The following KCNH4 variants were observed in gnomAD, a reference collection of about 807,000 sequenced individuals.
The protein encoded by KCNH4 is potassium voltage-gated channel subfamily H member 4, also known as voltage-gated delayed rectifier potassium channel KCNH4.
KCNH4 carries 33 observed loss-of-function variants against 90.7 expected under a neutral mutation model. The ratio of observed to expected loss-of-function variants is 0.36; its 90% CI spans 0.28 to 0.49. KCNH4 has a LOEUF of 0.49. Ranked by LOEUF, KCNH4 falls within the 20% of genes least tolerant of loss-of-function variation. KCNH4 has a pLI of 0.98. For missense variants in KCNH4, 1,044 were observed against 1,387.1 expected (o/e 0.75, Z 3.93); for synonymous variants, 551 against 581.7 (o/e 0.95, Z 0.76).
At chr17:42,171,539 G>C (rs191291914) in intron 7 of KCNH4, among the ~76,000 whole-genome samples, 17 of 152,026 alleles carry the variant, frequency 1.1e-4, no homozygotes, top group Middle Eastern at 3.2e-3. Context: ...TGTTTCCTGC[G>C]TTGTACTTTG....
At chr17:42,160,913 T>C (rs1429001273) in intron 15 of KCNH4, among the ~76,000 whole-genome samples, 1 of 142,652 alleles carries the variant, frequency 7.0e-6, no homozygotes, top group Non-Finnish European at 1.5e-5. Flanking sequence ...AGTTCTTTTT[T>C]CTTTTTCTTT....
chr17:42,163,682 A>C lies in KCNH4; in HGVS notation c.2401T>G (p.Cys801Gly), dbSNP rs1598268570. 6.6e-7 allele frequency: 1 copy of C among 1,505,924 alleles called. No homozygotes were observed. Among genetic ancestry groups the C allele is most frequent in the Non-Finnish European group, 8.9e-7 (1 of 1,127,688 alleles). 93.3% of individuals were successfully genotyped at this position (1,505,924 alleles called of 1,614,324 possible). ...TGAGGGGGCTTCCAGGCAGCAGAGC[A>C]CCTGGGGGGGCCGTGAGGGGAGGCA... is the stretch of plus-strand genomic sequence containing the variant. ...HSASPHGPPR[C>G]SAAWKPPQLL... The change falls in exon 13 of 17, where the codon TGC (cysteine) becomes GGC (glycine). Residue 801 changes from cysteine to glycine, a missense_variant. Coordinates refer to ENST00000264661, the MANE Select transcript of KCNH4 (RefSeq NM_012285.3). This position sits in a 1 kb window ranked among gnomAD's most constrained non-coding sequence, Gnocchi z 5.4.
chr17:42,161,093 AT>A lies in KCNH4; in HGVS notation c.2659-659del, dbSNP rs1166621920. On this transcript the variant is annotated intron_variant, in intron 15 of 16. Transcript: ENST00000264661. ...AGGTGTGTGCCACCACGCCCGGCTA[AT>A]TTTTTTCGTATTCTTAGTAGAGACA... is the stretch of plus-strand genomic sequence containing the variant. Among the ~76,000 whole-genome samples the A allele has an allele frequency of 2.6e-5, 4 of 151,558 alleles. No homozygotes were observed. The East Asian group carries it at 5.8e-4, about 22-fold the overall frequency.
intron 6 of KCNH4, among the ~76,000 whole-genome samples, chr17:42,173,693 CTTTT>C (rs532100884): frequency 7.5e-5 from 5 of 66,266 alleles, no homozygotes; most frequent in African/African-American, 3.3e-4. Context: ...CGATCTGGTT[CTTTT>C]TTTTTTTTTT....
At chr17:42,172,264 G>A (rs563148897) in intron 6 of KCNH4, among the ~76,000 whole-genome samples, 35 of 150,342 alleles carry the variant, frequency 2.3e-4, no homozygotes, top group African/African-American at 8.6e-4. Context: ...GTGCAGTGGC[G>A]AGATCTCAGC....
At position 42,180,983 on chromosome 17, in the gene KCNH4, G is replaced by T. The variant is rs1347267076; in HGVS notation, c.-38C>A. The T allele has an allele frequency of 6.3e-7, 1 of 1,587,460 alleles. No homozygotes were observed. The highest frequency in any genetic ancestry group is 2.3e-5 in the East Asian group (1 of 43,192). ...TGGGTTCAAGGCGCGGCGCTGGGGA[G>T]CTTTCAGCGCGGCCGGGCCGGAGGG... On this transcript the variant is annotated 5_prime_UTR_variant, in exon 1 of 17. Coordinates refer to ENST00000264661, the MANE Select transcript of KCNH4 (RefSeq NM_012285.3). The surrounding 1 kb of genome is among the most constrained non-coding windows in gnomAD (Gnocchi z 4.7).
rs565201290 is a variant in KCNH4 at position 42,162,223 on chromosome 17, C to T, written c.2658+25G>A. 58 of 1,608,602 alleles carry T rather than the reference C, an allele frequency of 3.6e-5. 1 individual carries two copies. The highest frequency in any genetic ancestry group is 2.5e-4 in the African/African-American group (19 of 74,866). Reference sequence around the variant, plus strand: ...GTCTGAAATGCTGTTATATCAGGCACGTCTCTGAGCCAGCCCCAACCCACC... The same window carrying T: ...GTCTGAAATGCTGTTATATCAGGCATGTCTCTGAGCCAGCCCCAACCCACC... On this transcript the variant is annotated intron_variant, in intron 15 of 16. Transcript: ENST00000264661.
Position 42,176,247 on chromosome 17 carries a change from C to G in KCNH4, c.636G>C (p.Val212=). The G allele has an allele frequency of 1.2e-6, 2 of 1,613,750 alleles. No homozygotes were observed. The highest frequency in any genetic ancestry group is 2.2e-5 in the East Asian group (1 of 44,856). Residue 212 remains valine, a synonymous_variant, in exon 5 of 17, where the codon GTG becomes GTC. Transcript: ENST00000264661. ...PSVPEYKVAS[V]GGSRCLLLHY... is the part of the protein sequence containing the mutation. ...GGAGGAGGAGGCAGCGAGACCCCCC[C>G]ACGGAGGCCACCTTGTACTCGGGCA... is the stretch of plus-strand genomic sequence containing the variant.
intron 6 of KCNH4, 66 bp downstream of exon 6, chr17:42,175,513 C>A: frequency 6.3e-7 from 1 of 1,586,212 alleles, no homozygotes; most frequent in Non-Finnish European, 8.7e-7. Context: ...GGGGTCAGTC[C>A]CTTCCTGGAA....
intron 16 of KCNH4, among the ~76,000 whole-genome samples, chr17:42,158,922 G>A (rs767953663): frequency 1.3e-5 from 2 of 151,916 alleles, no homozygotes; most frequent in Non-Finnish European, 2.9e-5. Flanking sequence ...GGACTCAAGC[G>A]ATCCTCCCAC....
chr17:42,162,110 A>C, intron 15 of KCNH4, 138 bp downstream of exon 15: 2 of 657,458 alleles, frequency 3.0e-6, no homozygotes, highest in East Asian at 3.0e-5. Flanking sequence ...GTGCCTGGCT[A>C]ATTTTTGTAT....
intron 11 of KCNH4, among the ~76,000 whole-genome samples, chr17:42,165,216 A>G (rs1235161500): frequency 1.3e-5 from 2 of 151,652 alleles, no homozygotes; most frequent in African/African-American, 4.8e-5. Context: ...GAGATGGGGC[A>G]GTAGAGTTGG....
At chr17:42,179,418 G>C (rs1351261685) in intron 1 of KCNH4, among the ~76,000 whole-genome samples, 2 of 152,212 alleles carry the variant, frequency 1.3e-5, no homozygotes, top group Admixed American at 1.3e-4. Flanking sequence ...GACCTCTTCT[G>C]TGCCTAAGCT....
chr17:42,173,555 C>A (rs919573297), intron 6 of KCNH4, among the ~76,000 whole-genome samples: 1 of 152,108 alleles, frequency 6.6e-6, no homozygotes, highest in Admixed American at 6.6e-5. Flanking sequence ...TGCTCATCTT[C>A]TGTCTCTGCT....
chr17:42,170,430 G>A (rs746776824), intron 7 of KCNH4, 129 bp from the exon 8 acceptor site: 76 of 755,788 alleles, frequency 1.0e-4, no homozygotes, highest in Non-Finnish European at 1.3e-4. Context: ...GTGGGGAGTG[G>A]CCTGGGCCTG....
In KCNH4 at chr17:42,164,118, A is replaced by G; in HGVS notation, c.2124+12T>C. 6.5e-7 allele frequency: 1 copy of G among 1,550,244 alleles called. No individual in the cohort carries two copies. The highest frequency in any genetic ancestry group is 8.7e-7 in the Non-Finnish European group (1 of 1,146,034). On this transcript the variant is annotated intron_variant, in intron 12 of 16. Transcript: ENST00000264661. ...CAGGGCAATTCAACCCCACCCAGGAAGTGGGTGTTACCTGGGAGAGGCGAG... is the reference window on the plus strand; with the variant it reads ...CAGGGCAATTCAACCCCACCCAGGAGGTGGGTGTTACCTGGGAGAGGCGAG...
chr17:42,178,655 G>T, intron 2 of KCNH4, 138 bp downstream of exon 2: 1 of 1,119,826 alleles, frequency 8.9e-7, no homozygotes, highest in Non-Finnish European at 1.3e-6. Flanking sequence ...CCCAGGACCA[G>T]AGAGGTCAGG....
At chr17:42,162,753 T>C (rs1241374422) in intron 14 of KCNH4, among the ~76,000 whole-genome samples, 2 of 152,014 alleles carry the variant, frequency 1.3e-5, no homozygotes, top group Admixed American at 6.6e-5. Flanking sequence ...CCACCACGCC[T>C]GGCTAATTTT....
At chr17:42,165,777 T>C in intron 10 of KCNH4, 84 bp from the exon 11 acceptor site, 1 of 1,522,468 alleles carries the variant, frequency 6.6e-7, no homozygotes, top group Non-Finnish European at 9.0e-7. Context: ...ATTTGAGGGG[T>C]GGTCAGTGTG....
Sources: gnomAD v4.1 joint callset for allele counts (sites outside exome capture counted in the v4.1 genomes callset) on GRCh38, gnomAD v4.1.1 for gene constraint, Gnocchi (gnomAD v3.1) non-coding constraint, MANE v1.5 for transcripts, NCBI Gene and HGNC (gene_info 2026-07-23, HGNC 2026-07-21) for gene names.